Variants in LRP1B observed in about 807,000 individuals in gnomAD.
LRP1B encodes the protein LDL receptor related protein 1B, also known as low-density lipoprotein receptor-related protein 1B.
In LRP1B, 217 loss-of-function variants were observed where a neutral mutation model predicts 556.6. The ratio of observed to expected loss-of-function variants is 0.39; its 90% CI spans 0.35 to 0.44. The LOEUF (loss-of-function observed/expected upper bound fraction) is 0.44. Ranked by LOEUF, LRP1B falls within the 20% of genes least tolerant of loss-of-function variation. LRP1B has a pLI of 1.00. For synonymous variants in LRP1B, 2,047 were observed against 1,865.8 expected (o/e 1.10, Z -2.50); for missense variants, 5,053 against 5,620.8 (o/e 0.90, Z 3.23).
At chr2:141,802,094 C>T (rs1574376610) in intron 2 of LRP1B, among the ~76,000 whole-genome samples, 1 of 152,086 alleles carries the variant, frequency 6.6e-6, no homozygotes. Context: ...TAAATTCATG[C>T]TGAATTCTAA....
intron 15 of LRP1B, among the ~76,000 whole-genome samples, chr2:140,998,628 T>A (rs1697322977): frequency 2.0e-5 from 3 of 152,112 alleles, no homozygotes; most frequent in African/African-American, 7.2e-5. Flanking sequence ...CTCTCATTCT[T>A]GATTCCTTCC....
chr2:140,510,042 C>T lies in LRP1B; in HGVS notation c.8284G>A (p.Ala2762Thr), dbSNP rs1187722684. Residue 2762 changes from alanine (A) to threonine (T), a missense_variant, in exon 52 of 91, where the codon GCT (alanine) becomes ACT (threonine). By Grantham distance (58) the Ala-to-Thr change is moderately conservative. This residue lies in a region of LRP1B where 3,619 missense variants were observed against 3,931.9 expected (regional missense o/e 0.92). Coordinates refer to ENST00000389484, the MANE Select transcript of LRP1B (RefSeq NM_018557.3). The stretch of plus-strand genomic sequence containing the variant: ...CCCTGGCAGCTGAACATGTCAGCAG[C>T]ACAGGTTATGGCACCTGAAACACAA... Reference protein sequence around the residue: ...SDSICGAITCAADMFSCQGSR... With the variant: ...SDSICGAITCTADMFSCQGSR... 1.2e-5 allele frequency: 19 copies of T among 1,613,634 alleles called. No homozygotes were observed. The highest frequency in any genetic ancestry group is 1.7e-5 in the Admixed American group (1 of 59,996).
chr2:141,298,561 T>C (rs1168699983), intron 3 of LRP1B, among the ~76,000 whole-genome samples: 1 of 152,130 alleles, frequency 6.6e-6, no homozygotes. Context: ...CTCAGCATCA[T>C]AGGGGAGGAC....
intron 11 of LRP1B, 45 bp downstream of exon 11, chr2:141,048,941 C>T (rs1328994145): frequency 2.1e-6 from 3 of 1,406,054 alleles, no homozygotes; most frequent in Admixed American, 3.4e-5. Flanking sequence ...TTTTAAAGTG[C>T]TTCATCTCTG....
chr2:140,417,439 A>C (rs1685247251), intron 66 of LRP1B, among the ~76,000 whole-genome samples: 1 of 152,230 alleles, frequency 6.6e-6, no homozygotes. Context: ...AAGATTAATG[A>C]ATCACTATTA....
intron 66 of LRP1B, among the ~76,000 whole-genome samples, chr2:140,397,637 T>C (rs576417060): frequency 1.3e-5 from 2 of 152,312 alleles, no homozygotes; most frequent in South Asian, 4.1e-4. Flanking sequence ...TTTTTCTAGG[T>C]TATTAAAAAT....
chr2:141,169,335 T>G (rs73962838), intron 7 of LRP1B, among the ~76,000 whole-genome samples: 1,601 of 128,504 alleles, frequency 0.012, 31 homozygotes, highest in African/African-American at 0.048. Flanking sequence ...AATAAATAAA[T>G]AAAGAAGAGA....
chr2:140,758,348 A>G (rs1688808167), intron 35 of LRP1B, among the ~76,000 whole-genome samples: 2 of 152,216 alleles, frequency 1.3e-5, no homozygotes, highest in East Asian at 3.9e-4. Context: ...AAAAAATAGC[A>G]TGAATATTAA....
intron 1 of LRP1B, among the ~76,000 whole-genome samples, chr2:142,024,426 G>A (rs898759164): frequency 2.0e-5 from 3 of 152,056 alleles, no homozygotes; most frequent in Admixed American, 1.3e-4. Flanking sequence ...GTAGCTCTAG[G>A]GTGAGTTCCC....
At chr2:140,316,764 C>T (rs775091076) in intron 82 of LRP1B, among the ~76,000 whole-genome samples, 1 of 151,220 alleles carries the variant, frequency 6.6e-6, no homozygotes, top group South Asian at 2.1e-4. Context: ...AAAATTGTAA[C>T]ACTTTGTAAA....
At chr2:140,981,015 T>A (rs1696752522) in intron 18 of LRP1B, among the ~76,000 whole-genome samples, 1 of 152,086 alleles carries the variant, frequency 6.6e-6, no homozygotes, top group African/African-American at 2.4e-5. Flanking sequence ...TATTGTTTTC[T>A]TATCACTTAC....
intron 1 of LRP1B, among the ~76,000 whole-genome samples, chr2:141,981,928 A>C (rs1702054359): frequency 6.6e-6 from 1 of 152,060 alleles, no homozygotes; most frequent in East Asian, 1.9e-4. Flanking sequence ...AATGAAAGTC[A>C]TGTCTTTGAA....
chr2:141,627,784 G>A (rs1688755494), intron 2 of LRP1B, among the ~76,000 whole-genome samples: 1 of 152,074 alleles, frequency 6.6e-6, no homozygotes, highest in Non-Finnish European at 1.5e-5. Flanking sequence ...TGTGAACCTT[G>A]GATAATTACG....
intron 31 of LRP1B, 51 bp downstream of exon 31, chr2:140,839,940 G>T (rs1393240538): frequency 1.9e-6 from 2 of 1,064,538 alleles, no homozygotes; most frequent in African/African-American, 3.2e-5. Context: ...TATTGTACAA[G>T]TACAGGTTTG....
chr2:140,821,304 G>A (rs143656545), intron 31 of LRP1B, among the ~76,000 whole-genome samples: 1 of 152,200 alleles, frequency 6.6e-6, no homozygotes, highest in East Asian at 1.9e-4. Flanking sequence ...ATAATCAGAT[G>A]AAAATGTAAT....
chr2:140,642,769 G>A (rs1239074210), intron 41 of LRP1B, among the ~76,000 whole-genome samples: 4 of 152,104 alleles, frequency 2.6e-5, no homozygotes, highest in Non-Finnish European at 4.4e-5. Context: ...GCGTGAACCC[G>A]GGAGGCGGAG....
intron 32 of LRP1B, among the ~76,000 whole-genome samples, chr2:140,795,437 G>C (rs182887081): frequency 5.9e-5 from 9 of 152,044 alleles, no homozygotes; most frequent in African/African-American, 2.2e-4. Flanking sequence ...TTTTATCCTA[G>C]ACTACTCAGA....
intron 1 of LRP1B, among the ~76,000 whole-genome samples, chr2:141,919,665 A>T (rs1461918020): frequency 1.3e-5 from 2 of 152,058 alleles, no homozygotes; most frequent in African/African-American, 2.4e-5. Context: ...ATTAGGCATG[A>T]CAGCATTAAT....
At chr2:141,801,009 G>A (rs376763810) in intron 2 of LRP1B, among the ~76,000 whole-genome samples, 4 of 152,222 alleles carry the variant, frequency 2.6e-5, no homozygotes, top group African/African-American at 9.6e-5. Flanking sequence ...TGCCTAACGT[G>A]CACATTTGAA....
Sources: gnomAD v4.1 joint callset for allele counts (sites outside exome capture counted in the v4.1 genomes callset) on GRCh38, gnomAD v4.1.1 for gene constraint, gnomAD v4.1.1 regional missense constraint, MANE v1.5 for transcripts, NCBI Gene and HGNC (gene_info 2026-07-23, HGNC 2026-07-21) for gene names.